The following VWA2 variants were observed in gnomAD, a reference collection of about 807,000 sequenced individuals.
VWA2 encodes von Willebrand factor A domain-containing protein 2.
Under a neutral mutation model 70.4 loss-of-function variants are expected in VWA2, and 73 were observed. The ratio of observed to expected loss-of-function variants is 1.04; its 90% CI spans 0.86 to 1.26. The LOEUF (loss-of-function observed/expected upper bound fraction) is 1.26, where lower values mean the gene tolerates loss of function less well. VWA2 is among the 50% of genes most tolerant of loss of function. The pLI is 0.00. For missense variants in VWA2, 1,011 were observed against 998.5 expected, an observed-to-expected ratio of 1.01 and a Z score of -0.17; for synonymous variants, 407 against 423.3, an observed-to-expected ratio of 0.96 and a Z score of 0.47.
Position 114,261,192 on chromosome 10 carries a change from G to C in VWA2, c.268G>C (p.Val90Leu), listed in dbSNP as rs1418473481. The C allele has an allele frequency of 6.2e-7, 1 of 1,613,204 alleles. No homozygotes were observed. Among genetic ancestry groups the C allele is most frequent in the South Asian group, 1.1e-5 (1 of 91,018 alleles). ...CCCCTGTCTCCTACTGCAGGTCAGA[G>C]TGGGAGCATTCCAGTTCAGTTCCAC... ...GLDISPERVR[V>L]GAFQFSSTPH... Residue 90 changes from valine (V) to leucine (L), a missense_variant, in exon 5 of 14, where the codon GTG (valine) becomes CTG (leucine). Coordinates refer to ENST00000392982, the MANE Select transcript of VWA2 (RefSeq NM_001272046.2).
intron 5 of VWA2, among the ~76,000 whole-genome samples, chr10:114,269,067 T>C (rs946426228): frequency 6.6e-6 from 1 of 152,162 alleles, no homozygotes; most frequent in African/African-American, 2.4e-5. Context: ...AATCTCACCT[T>C]ACCTTGGTCG....
At chr10:114,285,092 C>A in intron 10 of VWA2, 122 bp downstream of exon 10, 2 of 690,514 alleles carry the variant, frequency 2.9e-6, no homozygotes, top group South Asian at 2.2e-5. Flanking sequence ...ATCTGCTTTC[C>A]AATGCACCAC....
Position 114,261,221 on chromosome 10 carries a change from T to G in VWA2, c.297T>G (p.Pro99=), listed in dbSNP as rs754005277. The change falls in exon 5 of 14, where the codon CCT becomes CCG. Residue 99 remains proline, a synonymous_variant. Transcript: ENST00000392982. ...RVGAFQFSST[P]HLEFPLDSFS... The stretch of plus-strand genomic sequence containing the variant: ...GAGCATTCCAGTTCAGTTCCACTCC[T>G]CATCTGGAATTCCCCTTGGATTCAT... 5.0e-6 allele frequency: 8 copies of G among 1,614,014 alleles called. No individual in the cohort carries two copies. The highest frequency in any genetic ancestry group is 1.7e-5 in the Admixed American group (1 of 60,012).
intron 7 of VWA2, 31 bp from the exon 8 acceptor site, chr10:114,278,688 C>T (rs1564728648): frequency 6.2e-7 from 1 of 1,610,792 alleles, no homozygotes; most frequent in Non-Finnish European, 8.5e-7. Context: ...CCTGTCTCCT[C>T]CGTGGGTGTG....
chr10:114,271,661 G>A (rs1050707443), intron 5 of VWA2, among the ~76,000 whole-genome samples: 5 of 149,882 alleles, frequency 3.3e-5, no homozygotes, highest in Non-Finnish European at 5.9e-5. Flanking sequence ...ATGCCCATGC[G>A]TCTTGTCAGT....
chr10:114,284,182 A>G (rs1197390100), intron 9 of VWA2, among the ~76,000 whole-genome samples: 1 of 152,258 alleles, frequency 6.6e-6, no homozygotes, highest in African/African-American at 2.4e-5. Context: ...GTGGTTTCCC[A>G]TGTAAACTTT....
intron 11 of VWA2, 76 bp from the exon 12 acceptor site, chr10:114,288,862 C>G: frequency 1.3e-6 from 2 of 1,513,694 alleles, no homozygotes; most frequent in South Asian, 1.3e-5. Flanking sequence ...CCTACCCAAC[C>G]TGGCAGTCCC....
chr10:114,278,805 T>C lies in VWA2; in HGVS notation c.787T>C (p.Ser263Pro), dbSNP rs1197351336. Residue 263 changes from serine to proline, a missense_variant, in exon 8 of 14, where the codon TCG becomes CCG. Physicochemically the swap from Ser to Pro is moderately conservative, Grantham distance 74. Transcript: ENST00000392982. ...FAGNAPCWRG[S>P]RRTLAVLAAH... ...TGGCAATGCCCCATGCTGGAGAGGA[T>C]CGCGGCGGACCCTTGCGGTGCTGGC... 1 of 1,613,586 alleles carries C rather than the reference T, an allele frequency of 6.2e-7. No homozygotes were observed. Among genetic ancestry groups the C allele is most frequent in the South Asian group, 1.1e-5 (1 of 91,046 alleles).
rs570407034 is a variant in VWA2, at chr10:114,252,895, G to A, written c.53-756G>A. 3.3e-5 allele frequency among the ~76,000 whole-genome samples: 5 copies of A among 151,952 alleles called. No homozygotes were observed. The South Asian group carries it at 6.2e-4, about 19-fold the overall frequency. ...ATTACAGGCATGAGCCACTGCACCC[G>A]GCCTGCTTGTGTTCCTTCATCTGCC... On this transcript the variant is annotated intron_variant, in intron 2 of 13. Transcript: ENST00000392982.
chr10:114,259,414 T>G (rs2037396782), intron 4 of VWA2, among the ~76,000 whole-genome samples: 1 of 152,142 alleles, frequency 6.6e-6, no homozygotes, highest in Non-Finnish European at 1.5e-5. Flanking sequence ...GCACATAATT[T>G]TTCCATTTTG....
At chr10:114,278,370 A>T (rs1161961465) in intron 7 of VWA2, among the ~76,000 whole-genome samples, 1 of 152,162 alleles carries the variant, frequency 6.6e-6, no homozygotes, top group Non-Finnish European at 1.5e-5. Context: ...GAGCACAAGG[A>T]GGCTTTGTGC....
In VWA2 at chr10:114,248,833, C is replaced by G. The variant is rs892120167; in HGVS notation, c.52+68C>G. 24 of 1,441,488 alleles carry G rather than the reference C, an allele frequency of 1.7e-5. 1 individual carries two copies. In the Admixed American group the frequency reaches 3.9e-4, roughly 23 times the overall value. 89.3% of individuals were successfully genotyped at this position (1,441,488 alleles called of 1,614,324 possible). A position where few individuals can be genotyped will look rare whatever the true frequency, so the allele number is the denominator to read the frequency against. The stretch of plus-strand genomic sequence containing the variant: ...AGTAGGGGGGTTGCTTGCTTCAAAT[C>G]CTGTTGATTTTCAATTCTAAAGGTC... On this transcript the variant is annotated intron_variant, in intron 2 of 13. Coordinates refer to ENST00000392982, the MANE Select transcript of VWA2 (RefSeq NM_001272046.2).
intron 5 of VWA2, among the ~76,000 whole-genome samples, chr10:114,267,224 C>T (rs1045136059): frequency 1.3e-5 from 2 of 151,908 alleles, no homozygotes; most frequent in Admixed American, 6.6e-5. Context: ...AAGTGATTCT[C>T]CTGCCTCAGA....
At position 114,278,724 on chromosome 10, in the gene VWA2, AGGGTCGAGGCT is replaced by A. The variant is rs753199719; in HGVS notation, c.707_717del (p.Arg236ThrfsTer4). 4 of 1,613,874 alleles carry A rather than the reference AGGGTCGAGGCT, an allele frequency of 2.5e-6. No individual in the cohort carries two copies. The East Asian group carries it at 8.9e-5, about 36-fold the overall frequency. ...GGTGTGTGTTGTGGACACAGACTGC[AGGGTCGAGGCT>A]CACCCCTGTGAGCACAGGACGCTGG... On this transcript the variant is annotated frameshift_variant, in exon 8 of 14. Transcript: ENST00000392982. LOFTEE classifies it high-confidence loss of function.
At chr10:114,279,421 C>T (rs1293895355) in intron 8 of VWA2, among the ~76,000 whole-genome samples, 1 of 152,164 alleles carries the variant, frequency 6.6e-6, no homozygotes, top group Non-Finnish European at 1.5e-5. Context: ...TGACCCTGCC[C>T]CTCTCCCTTT....
intron 1 of VWA2, chr10:114,246,076 GC>G: frequency 4.6e-6 from 2 of 430,258 alleles, no homozygotes. Context: ...CCCGCCCCCC[GC>G]CCAAGATGAT....
At chr10:114,251,431 G>C (rs753636685) in intron 2 of VWA2, among the ~76,000 whole-genome samples, 12 of 152,262 alleles carry the variant, frequency 7.9e-5, no homozygotes, top group Non-Finnish European at 1.5e-4. Flanking sequence ...TCTTTAGTGA[G>C]TGGTCTGTGC....
intron 3 of VWA2, 38 bp downstream of exon 3, chr10:114,253,763 T>A: frequency 2.6e-6 from 4 of 1,566,392 alleles, no homozygotes; most frequent in Non-Finnish European, 3.5e-6. Context: ...AGATGCCCAC[T>A]CAGACCTCTG....
chr10:114,278,914 G>A lies in VWA2; in HGVS notation c.833+63G>A. 5 of 1,601,936 alleles carry A rather than the reference G, an allele frequency of 3.1e-6. No homozygotes were observed. The East Asian group carries it at 8.9e-5, about 29-fold the overall frequency. ...TGAAGGCCCCCACCCCTGAGCTGCG[G>A]GGAGGATAGTACTTTGGGGCCCTGC... On this transcript the variant is annotated intron_variant, in intron 8 of 13. Transcript: ENST00000392982.
Sources: gnomAD v4.1 joint callset for allele counts (sites outside exome capture counted in the v4.1 genomes callset) on GRCh38, gnomAD v4.1.1 for gene constraint, MANE v1.5 for transcripts, NCBI Gene and HGNC (gene_info 2026-07-23, HGNC 2026-07-21) for gene names.